HMX1: variants seen among roughly 807,000 people sequenced by gnomAD.
HMX1 encodes the protein H6 family homeobox 1, also known as homeobox protein HMX1.
A neutral mutation model predicts 8.9 loss-of-function variants in HMX1; 8 were observed. The observed-to-expected ratio is 0.90, with a 90% CI of 0.53 to 1.63. HMX1 has a LOEUF of 1.63. Among genes scored for constraint, HMX1 ranks in the 40% most tolerant of loss-of-function variants. The probability of loss-of-function intolerance (pLI) is 0.00; values close to 1 mark genes in which losing one functional copy is unlikely to be tolerated. For synonymous variants in HMX1, 311 were observed against 283.4 expected (o/e 1.10, Z -0.98); for missense variants, 621 against 558.5 (o/e 1.11, Z -1.13).
At chr4:8,867,002 C>T (rs1722018934), downstream of HMX1, 3 of 905,156 alleles carry the variant, frequency 3.3e-6, no homozygotes, top group South Asian at 1.5e-4. Flanking sequence ...GCACCCAGCG[C>T]AGCTTGAGCT....
chr4:8,846,454 C>G, intron 1 of HMX1: 3 of 669,958 alleles, frequency 4.5e-6, no homozygotes, highest in Non-Finnish European at 7.4e-6. Flanking sequence ...GGTCTCCAAA[C>G]TACAGGGACC....
downstream of HMX1, among the ~76,000 whole-genome samples, chr4:8,862,813 A>G (rs902046994): frequency 2.0e-5 from 3 of 152,148 alleles, no homozygotes; most frequent in Admixed American, 6.5e-5. Flanking sequence ...TTTGCTCCCC[A>G]GGCGGTGAGG....
In HMX1 at chr4:8,853,978, C is replaced by G. The variant is rs961481774; in HGVS notation, c.395-7654G>C. ...CTTTTGCGTTTACATCTTGAACCAG[C>G]CTGAGAGGAAGTGTGTGCCCTGAGC... On this transcript the variant is annotated intron_variant, in intron 1 of 1. Transcript: ENST00000506970. The surrounding 1 kb of genome is among the most constrained non-coding windows in gnomAD (Gnocchi z 4.7). Among the ~76,000 whole-genome samples, 1 of 152,202 alleles carries G rather than the reference C, an allele frequency of 6.6e-6. No individual in the cohort carries two copies. The highest frequency in any genetic ancestry group is 2.4e-5 in the African/African-American group (1 of 41,448).
chr4:8,868,771 T>C lies in HMX1; in HGVS notation c.395-426A>G, dbSNP rs1577200985. On this transcript the variant is annotated intron_variant, in intron 1 of 1. Transcript: ENST00000400677. The surrounding 1 kb of genome is among the most constrained non-coding windows in gnomAD (Gnocchi z 4.6). Reference sequence around the variant, plus strand: ...AGAAGTCCCGGGACAAGAGGAAAGATGTCCTTCCGAGAAATGTTCACACCG... The same window carrying C: ...AGAAGTCCCGGGACAAGAGGAAAGACGTCCTTCCGAGAAATGTTCACACCG... 6.6e-6 allele frequency among the ~76,000 whole-genome samples: 1 copy of C among 152,112 alleles called. No individual in the cohort carries two copies. Among genetic ancestry groups the C allele is most frequent in the Non-Finnish European group, 1.5e-5 (1 of 68,026 alleles).
chr4:8,846,318 T>C, exon 2 of HMX1: 1 of 1,534,794 alleles, frequency 6.5e-7, no homozygotes. Context: ...TGTAATCTTC[T>C]GTGTGCCTGC....
At chr4:8,846,323 G>C in exon 2 of HMX1, 1 of 1,534,014 alleles carries the variant, frequency 6.5e-7, no homozygotes, top group Non-Finnish European at 8.7e-7. Flanking sequence ...TCTTCTGTGT[G>C]CCTGCAGGGG....
rs1221209478 is a variant in HMX1, at chr4:8,847,197, G to T, written c.395-873C>A. ...GGATGCCTGTAATCCCAGCTACTTG[G>T]GAGGCTGAGTGGGGAGGGTTGAGCC... On this transcript the variant is annotated intron_variant, in intron 1 of 1. Transcript: ENST00000506970. The surrounding 1 kb of genome is among the most constrained non-coding windows in gnomAD (Gnocchi z 6.0). 1.3e-5 allele frequency among the ~76,000 whole-genome samples: 2 copies of T among 152,168 alleles called. No individual in the cohort carries two copies. The highest frequency in any genetic ancestry group is 4.8e-5 in the African/African-American group (2 of 41,428).
chr4:8,867,944 G>C lies in HMX1; in HGVS notation c.796C>G (p.Leu266Val). Residue 266 changes from leucine to valine, a missense_variant, in exon 2 of 2, where the codon CTG becomes GTG. Transcript: ENST00000400677. ...GGCGGGGACAGGCTGGCCGCCTCCAGCTCGGCTGCCAGCTGCCGCTTCCAC... is the reference window on the plus strand; with the variant it reads ...GGCGGGGACAGGCTGGCCGCCTCCACCTCGGCTGCCAGCTGCCGCTTCCAC... ...NKWKRQLAAELEAASLSPPGA... is the reference protein window; with the variant it reads ...NKWKRQLAAEVEAASLSPPGA... 4 of 1,484,720 alleles carry C rather than the reference G, an allele frequency of 2.7e-6. No individual in the cohort carries two copies. The highest frequency in any genetic ancestry group is 1.3e-5 in the South Asian group (1 of 78,242). The allele number at this position is 1,484,720 out of a possible 1,614,324, so 92.0% of individuals were successfully genotyped here. A position where few individuals can be genotyped will look rare whatever the true frequency, so the allele number is the denominator to read the frequency against.
rs1031498533 is a variant in HMX1, at chr4:8,868,321, G to A, written c.419C>T (p.Thr140Met). 2.0e-5 allele frequency: 28 copies of A among 1,419,316 alleles called. No individual in the cohort carries two copies. Among genetic ancestry groups the A allele is most frequent in the Middle Eastern group, 2.1e-4 (1 of 4,724 alleles). 87.9% of individuals were successfully genotyped at this position (1,419,316 alleles called of 1,614,324 possible). ...PDTSDRDSPE[T>M]GEEMGRAEGA... ...CTCCGCACGGCCCATCTCCTCGCCC[G>A]TCTCCGGTGAGTCCCGGTCGCTGGC... is the stretch of plus-strand genomic sequence containing the variant. The change falls in exon 2 of 2, where the codon ACG becomes ATG. Residue 140 changes from threonine to methionine, a missense_variant. By Grantham distance (81) the Thr-to-Met change is moderately conservative. Coordinates refer to ENST00000400677, the MANE Select transcript of HMX1 (RefSeq NM_018942.3). The surrounding 1 kb of genome is among the most constrained non-coding windows in gnomAD (Gnocchi z 4.6).
At chr4:8,854,212 A>T (rs1203785727) in intron 1 of HMX1, among the ~76,000 whole-genome samples, 1 of 152,146 alleles carries the variant, frequency 6.6e-6, no homozygotes, top group East Asian at 1.9e-4. Flanking sequence ...ACCTCCAGGG[A>T]AGTGCTCAGG....
At position 8,870,233 on chromosome 4, in the gene HMX1, G is replaced by A. The variant is rs13303109; in HGVS notation, c.394+988C>T. ...CCAAAGGCTGTGTTGGGGGTGGGGG[G>A]CTGGCTAAGCCAGGGCTTGGGGGGT... is the stretch of plus-strand genomic sequence containing the variant. On this transcript the variant is annotated intron_variant, in intron 1 of 1. Coordinates refer to ENST00000400677, the MANE Select transcript of HMX1 (RefSeq NM_018942.3). This position sits in a 1 kb window ranked among gnomAD's most constrained non-coding sequence, Gnocchi z 4.4. Among the ~76,000 whole-genome samples the A allele has an allele frequency of 0.68, 102,488 of 151,670 alleles. 38,020 individuals carry two copies. Among genetic ancestry groups the A allele is most frequent in the East Asian group, 0.88 (4,475 of 5,102 alleles).
chr4:8,857,147 T>C (rs919676959), intron 1 of HMX1, among the ~76,000 whole-genome samples: 1 of 152,244 alleles, frequency 6.6e-6, no homozygotes, highest in African/African-American at 2.4e-5. Context: ...TTTTCAGTGC[T>C]TGTAATTTTC....
intron 1 of HMX1, chr4:8,858,621 G>A (rs909118596): frequency 6.6e-6 from 1 of 152,202 alleles, no homozygotes; most frequent in African/African-American, 2.4e-5. Flanking sequence ...CTGAGCGCAG[G>A]CCCCCGGGCG....
chr4:8,858,439 G>T (rs926175379), intron 1 of HMX1, among the ~76,000 whole-genome samples: 5 of 152,208 alleles, frequency 3.3e-5, no homozygotes, highest in Non-Finnish European at 5.9e-5. Flanking sequence ...CTGGGGATGC[G>T]CTTCTGGGCC....
At chr4:8,869,900 C>T (rs1235343312) in intron 1 of HMX1, among the ~76,000 whole-genome samples, 1 of 152,162 alleles carries the variant, frequency 6.6e-6, no homozygotes, top group Non-Finnish European at 1.5e-5. Context: ...AAATTTCACC[C>T]TGAGAAACCC....
chr4:8,863,214 G>C (rs1020176715), downstream of HMX1, among the ~76,000 whole-genome samples: 2 of 152,238 alleles, frequency 1.3e-5, no homozygotes, highest in Non-Finnish European at 2.9e-5. Flanking sequence ...GGCGGGTGGA[G>C]GAGGGCGCCG....
chr4:8,857,875 C>G (rs1344228081), intron 1 of HMX1, among the ~76,000 whole-genome samples: 1 of 152,130 alleles, frequency 6.6e-6, no homozygotes, highest in Non-Finnish European at 1.5e-5. Context: ...CGCGCCGTGC[C>G]GAGCCCCGGG....
At chr4:8,869,991 G>A (rs1018235021) in intron 1 of HMX1, among the ~76,000 whole-genome samples, 5 of 152,194 alleles carry the variant, frequency 3.3e-5, no homozygotes, top group African/African-American at 7.2e-5. Flanking sequence ...TCAAGTCTAC[G>A]TGAAGGGGGT....
In HMX1 at chr4:8,853,310, G is replaced by A. The variant is rs1468851168; in HGVS notation, c.395-6986C>T. Among the ~76,000 whole-genome samples the A allele has an allele frequency of 6.6e-6, 1 of 152,196 alleles. No homozygotes were observed. The highest frequency in any genetic ancestry group is 2.4e-5 in the African/African-American group (1 of 41,448). Reference sequence around the variant, plus strand: ...CTCCTTCTATCCGAGGCTCTGCTTTGCTGTAACTAAATTGTCCTCACCTGA... The same window carrying A: ...CTCCTTCTATCCGAGGCTCTGCTTTACTGTAACTAAATTGTCCTCACCTGA... On this transcript the variant is annotated intron_variant, in intron 1 of 1. Transcript: ENST00000506970. This position sits in a 1 kb window ranked among gnomAD's most constrained non-coding sequence, Gnocchi z 4.7.
Sources: allele counts gnomAD v4.1 joint callset (sites outside exome capture counted in the v4.1 genomes callset), GRCh38; gene constraint gnomAD v4.1.1; non-coding constraint Gnocchi (gnomAD v3.1); transcripts MANE v1.5; gene names NCBI Gene and HGNC (gene_info 2026-07-23, HGNC 2026-07-21).